TEX101: variants seen among roughly 807,000 people sequenced by gnomAD.
TEX101 encodes the protein testis expressed 101, also known as testis-expressed protein 101.
A neutral mutation model predicts 18.1 loss-of-function variants in TEX101; 10 were observed. The ratio of observed to expected loss-of-function variants is 0.55; its 90% confidence interval spans 0.34 to 0.94. TEX101 has a LOEUF of 0.94. Ranked by LOEUF, TEX101 falls within the 40% of genes least tolerant of loss-of-function variation. The probability of loss-of-function intolerance (pLI) is 0.02; values close to 1 mark genes in which losing one functional copy is unlikely to be tolerated. For missense variants in TEX101, 259 were observed against 298.9 expected (o/e 0.87, Z 0.98); for synonymous variants, 94 against 114.8 (o/e 0.82, Z 1.16).
rs1970503678 is a variant in TEX101, at chr19:43,418,261, T to A, written c.614T>A (p.Val205Glu). Reference protein sequence around the residue: ...SGILAVGPMFVREACPHQLLT... With the variant: ...SGILAVGPMFEREACPHQLLT... ...ATCTTAGCAGTAGGACCCATGTTTG[T>A]GAGGGAAGCGTGCCCACATCAGCTG... The change falls in exon 6 of 6, where the codon GTG becomes GAG. Residue 205 changes from valine to glutamate, a missense_variant. Val to Glu is a moderately radical substitution (Grantham distance 121, BLOSUM62 -2). Transcript: ENST00000598265. 6.2e-7 allele frequency: 1 copy of A among 1,614,102 alleles called. No homozygotes were observed. Among genetic ancestry groups the A allele is most frequent in the Non-Finnish European group, 8.5e-7 (1 of 1,180,042 alleles).
the TEX101 span, among the ~76,000 whole-genome samples, chr19:43,394,191 T>G: frequency 2.0e-5 from 3 of 151,906 alleles, no homozygotes; most frequent in Non-Finnish European, 4.4e-5. Flanking sequence ...TCTTTTTTTC[T>G]TGGTGCTAAA....
chr19:43,414,118 C>G (rs990758108), upstream of TEX101, among the ~76,000 whole-genome samples: 3 of 133,556 alleles, frequency 2.2e-5, no homozygotes, highest in Non-Finnish European at 4.7e-5. Context: ...GAGCAAAAGT[C>G]TGTCAAAAAG....
upstream of TEX101, among the ~76,000 whole-genome samples, chr19:43,412,198 C>T (rs1035729897): frequency 2.0e-5 from 3 of 152,176 alleles, no homozygotes; most frequent in Admixed American, 2.0e-4. Flanking sequence ...GTGGTGCCAG[C>T]ATCTCCTTCT....
chr19:43,392,175 CAGAG>C, the TEX101 span, among the ~76,000 whole-genome samples: 1 of 151,544 alleles, frequency 6.6e-6, no homozygotes, highest in Non-Finnish European at 1.5e-5. Flanking sequence ...CAGAGAGAGA[CAGAG>C]AGCAAAGGGG....
At position 43,416,627 on chromosome 19, in the gene TEX101, A is replaced by G. The variant is rs985230647; in HGVS notation, c.391+72A>G. 3.3e-6 allele frequency: 5 copies of G among 1,497,324 alleles called. No homozygotes were observed. The African/African-American group carries it at 6.9e-5, about 21-fold the overall frequency. The allele number at this position is 1,497,324 out of a possible 1,614,324, so 92.8% of individuals were successfully genotyped here. A position where few individuals can be genotyped will look rare whatever the true frequency, so the allele number is the denominator to read the frequency against. On this transcript the variant is annotated intron_variant, in intron 4 of 5. Coordinates refer to ENST00000598265, the MANE Select transcript of TEX101 (RefSeq NM_001130011.3). ...GAGCTTGTGTATGGCCTCCCTTTGC[A>G]TTCTGACTTGGCTTAGCCTAAGTGG...
chr19:43,397,145 C>A (rs1273780953), upstream of TEX101, among the ~76,000 whole-genome samples: 1 of 152,106 alleles, frequency 6.6e-6, no homozygotes, highest in Non-Finnish European at 1.5e-5. Context: ...CTGTTTTCAG[C>A]TTTTTATTAT....
In TEX101 at chr19:43,418,155, C is replaced by G; in HGVS notation, c.521-13C>G. 1.2e-6 allele frequency: 2 copies of G among 1,614,020 alleles called. No homozygotes were observed. The highest frequency in any genetic ancestry group is 1.7e-6 in the Non-Finnish European group (2 of 1,179,892). On this transcript the variant is annotated splice_polypyrimidine_tract_variant and intron_variant, in intron 5 of 5. Transcript: ENST00000598265. The stretch of plus-strand genomic sequence containing the variant: ...AACATCTCTGTCTCTCCCGATCCTT[C>G]CTTGTTCTATAGGTGGCATTGAGTC...
At chr19:43,406,102 G>A (rs1370581717) in intron 2 of TEX101, 245 of 64,330 alleles carry the variant, frequency 3.8e-3, no homozygotes, top group East Asian at 9.5e-3. Context: ...AAAAAAAAAA[G>A]CCAGATGCCT....
Position 43,418,319 on chromosome 19 carries a change from C to A in TEX101, c.672C>A (p.Ala224=), listed in dbSNP as rs1438717536. ...LTQPRKTENG[A]TCLPIPVWGL... The stretch of plus-strand genomic sequence containing the variant: ...AACCTCGAAAGACTGAAAATGGGGC[C>A]ACCTGTCTTCCCATTCCTGTTTGGG... Residue 224 remains alanine, a synonymous_variant, in exon 6 of 6, where the codon GCC becomes GCA. Transcript: ENST00000598265. 1 of 1,614,158 alleles carries A rather than the reference C, an allele frequency of 6.2e-7. No individual in the cohort carries two copies. Among genetic ancestry groups the A allele is most frequent in the South Asian group, 1.1e-5 (1 of 91,074 alleles).
At chr19:43,390,166 A>G in the TEX101 span, among the ~76,000 whole-genome samples, 237 of 152,062 alleles carry the variant, frequency 1.6e-3, 1 homozygote, top group African/African-American at 5.4e-3. Flanking sequence ...TTTTCTGTTT[A>G]ATTTTTTGAA....
At chr19:43,398,504 G>A (rs925639488), upstream of TEX101, among the ~76,000 whole-genome samples, 2 of 151,764 alleles carry the variant, frequency 1.3e-5, no homozygotes, top group Admixed American at 6.6e-5. Flanking sequence ...TCGATCTCTC[G>A]ACCTCATGAT....
chr19:43,407,348 G>A (rs571396503), intron 3 of TEX101, among the ~76,000 whole-genome samples: 8 of 152,238 alleles, frequency 5.3e-5, no homozygotes, highest in Middle Eastern at 3.4e-3. Flanking sequence ...AGCCGGGCGT[G>A]GTGGCGCATG....
chr19:43,407,894 G>A (rs978280153), intron 3 of TEX101, among the ~76,000 whole-genome samples: 5 of 152,220 alleles, frequency 3.3e-5, no homozygotes, highest in Non-Finnish European at 7.3e-5. Flanking sequence ...AGGCCCATTC[G>A]TGGGGAACCT....
chr19:43,400,707 T>C (rs556103760), upstream of TEX101, among the ~76,000 whole-genome samples: 6 of 152,350 alleles, frequency 3.9e-5, no homozygotes, highest in South Asian at 1.2e-3. Flanking sequence ...TTTTCACTTT[T>C]AGAGATGGCT....
intron 3 of TEX101, among the ~76,000 whole-genome samples, chr19:43,407,460 G>A (rs1160498723): frequency 6.6e-6 from 1 of 151,154 alleles, no homozygotes; most frequent in African/African-American, 2.4e-5. Context: ...ACTCCAGCCT[G>A]GGCAACAAGA....
chr19:43,401,311 C>A (rs1444973120), upstream of TEX101, among the ~76,000 whole-genome samples: 1 of 152,230 alleles, frequency 6.6e-6, no homozygotes, highest in African/African-American at 2.4e-5. Flanking sequence ...TATAGACACA[C>A]AAACACATTA....
chr19:43,415,456 T>C (rs1362311423), intron 1 of TEX101, among the ~76,000 whole-genome samples: 1 of 152,020 alleles, frequency 6.6e-6, no homozygotes, highest in Non-Finnish European at 1.5e-5. Flanking sequence ...GTCGTGGTCA[T>C]ATACACCATA....
upstream of TEX101, among the ~76,000 whole-genome samples, chr19:43,411,502 G>T (rs1970418791): frequency 1.3e-5 from 2 of 152,190 alleles, no homozygotes; most frequent in South Asian, 4.1e-4. Context: ...GACCAATGGT[G>T]GTGTCACAAG....
At chr19:43,412,742 C>A (rs1404434385), upstream of TEX101, among the ~76,000 whole-genome samples, 1 of 152,132 alleles carries the variant, frequency 6.6e-6, no homozygotes. Flanking sequence ...GGGATTGAAG[C>A]TTTACCAATC....
Sources: allele counts gnomAD v4.1 joint callset (sites outside exome capture counted in the v4.1 genomes callset), GRCh38; gene constraint gnomAD v4.1.1; transcripts MANE v1.5; gene names NCBI Gene and HGNC (gene_info 2026-07-23, HGNC 2026-07-21).